Variants in MRTFB observed in about 807,000 individuals in gnomAD.
MRTFB encodes the protein myocardin related transcription factor B, also known as myocardin-related transcription factor B.
MRTFB carries 29 observed loss-of-function variants against 104.2 expected under a neutral mutation model. The observed-to-expected ratio is 0.28, with a 90% CI of 0.21 to 0.38. The LOEUF is 0.38. MRTFB is among the 10% of genes least tolerant of loss of function. MRTFB has a pLI of 1.00. For synonymous variants in MRTFB, 535 were observed against 519.5 expected (o/e 1.03, Z -0.41); for missense variants, 1,270 against 1,341.6 (o/e 0.95, Z 0.83).
chr16:14,171,121 A>G (rs1387041461), intron 3 of MRTFB, among the ~76,000 whole-genome samples: 1 of 152,224 alleles, frequency 6.6e-6, no homozygotes, highest in Non-Finnish European at 1.5e-5. Context: ...GCATTCTGGC[A>G]CAACAAAATG....
chr16:14,213,202 G>C (rs2041271324), intron 5 of MRTFB, among the ~76,000 whole-genome samples: 1 of 151,966 alleles, frequency 6.6e-6, no homozygotes, highest in African/African-American at 2.4e-5. Flanking sequence ...GATTTTTACT[G>C]GACCTGAAGT....
intron 3 of MRTFB, among the ~76,000 whole-genome samples, chr16:14,178,810 C>A (rs1347699049): frequency 6.6e-6 from 1 of 151,924 alleles, no homozygotes; most frequent in Non-Finnish European, 1.5e-5. Context: ...GATACAGTGG[C>A]CCCATTTCAG....
At chr16:14,154,194 G>A (rs917751235) in intron 3 of MRTFB, among the ~76,000 whole-genome samples, 9 of 152,092 alleles carry the variant, frequency 5.9e-5, no homozygotes, top group Admixed American at 5.9e-4. Context: ...AATTAGCCAA[G>A]CATGATGACA....
At chr16:14,001,210 G>A in the MRTFB span, among the ~76,000 whole-genome samples, 1 of 152,230 alleles carries the variant, frequency 6.6e-6, no homozygotes, top group Non-Finnish European at 1.5e-5. Context: ...ACATGAAAGG[G>A]GAATTTATTG....
chr16:14,215,013 C>G (rs890118467), intron 6 of MRTFB: 1 of 152,178 alleles, frequency 6.6e-6, no homozygotes, highest in Non-Finnish European at 1.5e-5. Flanking sequence ...TTCAAAGAAG[C>G]AAGTTTACTG....
chr16:14,149,233 ATGT>A (rs532519519), intron 3 of MRTFB: 68 of 152,246 alleles, frequency 4.5e-4, no homozygotes, highest in African/African-American at 1.6e-3. Context: ...TATGGTATTT[ATGT>A]TGTTGTTTTC....
At chr16:14,106,170 G>T (rs1216664103) in intron 2 of MRTFB, among the ~76,000 whole-genome samples, 1 of 152,194 alleles carries the variant, frequency 6.6e-6, no homozygotes, top group Non-Finnish European at 1.5e-5. Flanking sequence ...ATGGAGCTCA[G>T]ATTCTCCTGG....
the MRTFB span, among the ~76,000 whole-genome samples, chr16:14,029,418 A>AAT: frequency 1.4e-5 from 1 of 74,032 alleles, no homozygotes; most frequent in Non-Finnish European, 3.0e-5. Context: ...AAAAAAAAAA[A>AAT]AATATATATA....
At chr16:14,082,923 T>C (rs2034495284) in intron 2 of MRTFB, among the ~76,000 whole-genome samples, 1 of 152,202 alleles carries the variant, frequency 6.6e-6, no homozygotes, top group South Asian at 2.1e-4. Context: ...TGATAAGGAT[T>C]GCATTTAATA....
chr16:14,167,605 G>A (rs756616643), intron 3 of MRTFB, among the ~76,000 whole-genome samples: 11 of 152,048 alleles, frequency 7.2e-5, no homozygotes, highest in Non-Finnish European at 1.5e-4. Flanking sequence ...TGGTATTGCC[G>A]AGATTTTCTT....
chr16:14,005,235 T>C, the MRTFB span, among the ~76,000 whole-genome samples: 30 of 152,302 alleles, frequency 2.0e-4, no homozygotes, highest in East Asian at 3.5e-3. Context: ...TGAAGGGAGC[T>C]CTCTTCAGAA....
At chr16:14,028,228 C>CAAAACAAAACAAAA in the MRTFB span, among the ~76,000 whole-genome samples, 3 of 73,446 alleles carry the variant, frequency 4.1e-5, no homozygotes, top group African/African-American at 3.6e-5. Flanking sequence ...ACAAAACAAA[C>CAAAACAAAACAAAA]CAAGTAACTG....
chr16:14,021,657 A>G, the MRTFB span, among the ~76,000 whole-genome samples: 2 of 152,140 alleles, frequency 1.3e-5, no homozygotes, highest in Middle Eastern at 3.2e-3. Flanking sequence ...TCCCACTTAT[A>G]AGTGAGAACA....
the MRTFB span, among the ~76,000 whole-genome samples, chr16:14,058,224 T>C: frequency 5.3e-5 from 8 of 152,080 alleles, no homozygotes; most frequent in Non-Finnish European, 1.5e-5. Context: ...AGAACTCATT[T>C]CGCGAATTCC....
At chr16:14,033,182 T>G in the MRTFB span, among the ~76,000 whole-genome samples, 3 of 151,986 alleles carry the variant, frequency 2.0e-5, no homozygotes, top group Admixed American at 6.6e-5. Flanking sequence ...GGAGCATCGC[T>G]TGAACTCAGG....
upstream of MRTFB, among the ~76,000 whole-genome samples, chr16:14,070,829 A>T (rs892001274): frequency 1.3e-5 from 2 of 152,246 alleles, no homozygotes; most frequent in African/African-American, 4.8e-5. Context: ...ACACTGGCTC[A>T]GCCAATTCCT....
chr16:14,169,446 A>AT (rs5815815), intron 3 of MRTFB, among the ~76,000 whole-genome samples: 35,667 of 151,950 alleles, frequency 0.23, 7,914 homozygotes, highest in African/African-American at 0.57. Flanking sequence ...AACTTTGCCC[A>AT]TTTTTTAACC....
chr16:14,249,910 C>CA lies in MRTFB; in HGVS notation c.2403+830dup, dbSNP rs534921977. On this transcript the variant is annotated intron_variant, in intron 13 of 16. Coordinates refer to ENST00000571589, the MANE Select transcript of MRTFB (RefSeq NM_001308142.2). Reference sequence around the variant, plus strand: ...GTCTGGGTGAAACCAGCTTTGGGGACAGCTGCAGTCACATGTAACACGTGT... The same window carrying CA: ...GTCTGGGTGAAACCAGCTTTGGGGACAAGCTGCAGTCACATGTAACACGTGT... Among the ~76,000 whole-genome samples the CA allele has an allele frequency of 2.0e-4, 30 of 152,322 alleles. No homozygotes were observed. The South Asian group carries it at 6.0e-3, about 31-fold the overall frequency.
chr16:14,225,855 T>A (rs1459604429), intron 8 of MRTFB, among the ~76,000 whole-genome samples: 1 of 152,194 alleles, frequency 6.6e-6, no homozygotes, highest in East Asian at 1.9e-4. Context: ...CTTCAGACTT[T>A]CTTGTCAGGA....
Sources: gnomAD v4.1 joint callset for allele counts (sites outside exome capture counted in the v4.1 genomes callset) on GRCh38, gnomAD v4.1.1 for gene constraint, MANE v1.5 for transcripts, NCBI Gene and HGNC (gene_info 2026-07-23, HGNC 2026-07-21) for gene names.